SRSF4: variants seen among roughly 807,000 people sequenced by gnomAD.
SRSF4 encodes the protein serine and arginine rich splicing factor 4.
In SRSF4, 12 loss-of-function variants were observed where a neutral mutation model predicts 48.8. The ratio of observed to expected loss-of-function variants is 0.25; its 90% confidence interval spans 0.16 to 0.40. The LOEUF (loss-of-function observed/expected upper bound fraction) is 0.40, where lower values mean the gene tolerates loss of function less well. SRSF4 is among the 10% of genes least tolerant of loss of function. The pLI is 1.00. For missense variants in SRSF4, 466 were observed against 667.1 expected (o/e 0.70, Z 3.32); for synonymous variants, 248 against 232.5 (o/e 1.07, Z -0.61).
At chr1:29,172,206 G>GTTATATTACTAATAAAACAAAAAAAA (rs1369001481) in intron 1 of SRSF4, 3 of 152,114 alleles carry the variant, frequency 2.0e-5, no homozygotes, top group Admixed American at 6.5e-5. Flanking sequence ...ATGACAGAAT[G>GTTATATTACTAATAAAACAAAAAAAA]CTACTTAATT....
chr1:29,163,555 A>G (rs1187565813), intron 1 of SRSF4, among the ~76,000 whole-genome samples: 1 of 152,242 alleles, frequency 6.6e-6, no homozygotes, highest in East Asian at 1.9e-4. Context: ...GAATGACTTA[A>G]TTTCATTCAA....
chr1:29,173,869 T>C (rs1299360523), intron 1 of SRSF4, among the ~76,000 whole-genome samples: 2 of 151,796 alleles, frequency 1.3e-5, no homozygotes, highest in Non-Finnish European at 2.9e-5. Flanking sequence ...GTTTAAAAAA[T>C]TATAATAAAG....
chr1:29,177,957 T>C (rs1281510689), intron 1 of SRSF4, among the ~76,000 whole-genome samples: 3 of 144,666 alleles, frequency 2.1e-5, no homozygotes, highest in Non-Finnish European at 3.0e-5. Context: ...TGGAGTGCAG[T>C]GATGCAATCT....
intron 3 of SRSF4, among the ~76,000 whole-genome samples, chr1:29,156,545 T>TC (rs939553589): frequency 2.6e-5 from 4 of 152,160 alleles, no homozygotes; most frequent in African/African-American, 9.7e-5. Context: ...AGTTGAGGAA[T>TC]ATGAGGCATA....
intron 3 of SRSF4, among the ~76,000 whole-genome samples, chr1:29,155,638 C>G (rs548662462): frequency 9.9e-5 from 15 of 151,972 alleles, no homozygotes; most frequent in Admixed American, 9.2e-4. Flanking sequence ...ACTGCAGGTC[C>G]GCGCCACCAT....
chr1:29,149,804 G>T (rs3738061), intron 5 of SRSF4, among the ~76,000 whole-genome samples: 17,680 of 151,878 alleles, frequency 0.12, 1,384 homozygotes, highest in East Asian at 0.41. Flanking sequence ...TAGTCTGGGA[G>T]GACTATTTGA....
At chr1:29,151,722 T>TGG (rs1353069765) in intron 4 of SRSF4, among the ~76,000 whole-genome samples, 1 of 152,176 alleles carries the variant, frequency 6.6e-6, no homozygotes, top group Non-Finnish European at 1.5e-5. Context: ...CTATTAATGT[T>TGG]CTTAGGTGAA....
At chr1:29,162,653 C>T (rs1353687029) in intron 1 of SRSF4, among the ~76,000 whole-genome samples, 5 of 152,134 alleles carry the variant, frequency 3.3e-5, no homozygotes, top group Admixed American at 6.5e-5. Flanking sequence ...TTGGCCTGGG[C>T]GTGATGGAAT....
intron 1 of SRSF4, 28 bp downstream of exon 1, chr1:29,181,618 C>T: frequency 6.4e-7 from 1 of 1,556,080 alleles, no homozygotes. Context: ...TGTCCCCGCC[C>T]GGCCGGACCC....
intron 5 of SRSF4, among the ~76,000 whole-genome samples, 191 bp downstream of exon 5, chr1:29,149,912 C>T (rs1274395859): frequency 1.3e-5 from 2 of 151,606 alleles, no homozygotes; most frequent in Non-Finnish European, 2.9e-5. Flanking sequence ...GCCTGTAGTC[C>T]CAGCTACTTG....
chr1:29,170,784 GAATTC>G (rs1260049527), intron 1 of SRSF4: 1 of 152,056 alleles, frequency 6.6e-6, no homozygotes, highest in Non-Finnish European at 1.5e-5. Context: ...CCTGAAGGCT[GAATTC>G]AAACCTCCCT....
chr1:29,148,807 T>C lies in SRSF4; in HGVS notation c.1088A>G (p.Glu363Gly), dbSNP rs1189976948. Reference sequence around the variant, plus strand: ...GCGGCTGCGACTGCGACTGCGGCTCTCCTCTCTGCTTCTCTTCCTGCCCTT... The same window carrying C: ...GCGGCTGCGACTGCGACTGCGGCTCCCCTCTCTGCTTCTCTTCCTGCCCTT... Reference protein sequence around the residue: ...KRKGRKRSREESRSRSRSRSK... With the variant: ...KRKGRKRSREGSRSRSRSRSK... Residue 363 changes from glutamate to glycine, a missense_variant, in exon 6 of 6, where the codon GAG becomes GGG. Glu to Gly is a moderately conservative substitution (Grantham distance 98). Coordinates refer to ENST00000373795, the MANE Select transcript of SRSF4 (RefSeq NM_005626.5). The C allele has an allele frequency of 6.2e-7, 1 of 1,609,994 alleles. No individual in the cohort carries two copies. The highest frequency in any genetic ancestry group is 1.7e-4 in the Middle Eastern group (1 of 6,016).
intron 1 of SRSF4, among the ~76,000 whole-genome samples, chr1:29,167,133 T>G (rs967852058): frequency 6.6e-6 from 1 of 152,218 alleles, no homozygotes; most frequent in African/African-American, 2.4e-5. Flanking sequence ...TTTTACTTAG[T>G]CAACTTGTCT....
At chr1:29,155,282 TAGTC>T (rs1403948033) in intron 3 of SRSF4, among the ~76,000 whole-genome samples, 1 of 151,914 alleles carries the variant, frequency 6.6e-6, no homozygotes, top group East Asian at 1.9e-4. Flanking sequence ...TTGAAAAAAT[TAGTC>T]AGGTGTAGTG....
At chr1:29,151,819 C>T (rs1178151258) in intron 4 of SRSF4, among the ~76,000 whole-genome samples, 2 of 152,206 alleles carry the variant, frequency 1.3e-5, no homozygotes, top group Non-Finnish European at 2.9e-5. Context: ...AACTTACTTT[C>T]AAATGCTACA....
intron 4 of SRSF4, among the ~76,000 whole-genome samples, chr1:29,151,141 A>G (rs1377739313): frequency 6.6e-6 from 1 of 152,190 alleles, no homozygotes; most frequent in Non-Finnish European, 1.5e-5. Flanking sequence ...CCATCTCATT[A>G]TGACAGAAAG....
chr1:29,160,411 C>T lies in SRSF4; in HGVS notation c.214G>A (p.Gly72Ser), dbSNP rs1167791294. The change falls in exon 2 of 6, where the codon GGC (glycine) becomes AGC (serine). Residue 72 changes from glycine (G) to serine (S), a missense_variant. Around this residue, in one of 2 missense-constraint regions of SRSF4, gnomAD observed 64 missense variants for 230.2 expected, o/e 0.28. Transcript: ENST00000373795. The stretch of plus-strand genomic sequence containing the variant: ...CCGTAACTGCCATCTCGCCGTGGGC[C>T]GCGGGCATGCTCAACAATTACTCGC... Reference protein sequence around the residue: ...GERVIVEHARGPRRDGSYGSG... With the variant: ...GERVIVEHARSPRRDGSYGSG... 4 of 1,613,666 alleles carry T rather than the reference C, an allele frequency of 2.5e-6. No individual in the cohort carries two copies. The highest frequency in any genetic ancestry group is 3.4e-6 in the Non-Finnish European group (4 of 1,179,914).
At chr1:29,174,954 G>A (rs1315984267) in intron 1 of SRSF4, among the ~76,000 whole-genome samples, 1 of 149,150 alleles carries the variant, frequency 6.7e-6, no homozygotes, top group East Asian at 2.0e-4. Context: ...TTATAGGCGT[G>A]AGCCACCACA....
intron 2 of SRSF4, chr1:29,159,689 G>T: frequency 1.6e-5 from 6 of 381,756 alleles, no homozygotes; most frequent in East Asian, 4.3e-5. Context: ...AAAGTTGTAA[G>T]TATACATATT....
Sources: allele counts gnomAD v4.1 joint callset (sites outside exome capture counted in the v4.1 genomes callset), GRCh38; gene constraint gnomAD v4.1.1; regional missense constraint gnomAD v4.1.1; transcripts MANE v1.5; gene names NCBI Gene and HGNC (gene_info 2026-07-23, HGNC 2026-07-21).